The following HCN4 variants were observed in gnomAD, a reference collection of about 807,000 sequenced individuals.
HCN4 encodes potassium/sodium hyperpolarization-activated cyclic nucleotide-gated channel 4.
In HCN4, 29 loss-of-function variants were observed where a neutral mutation model predicts 76.9. The observed-to-expected ratio is 0.38, with a 90% confidence interval of 0.28 to 0.51. The LOEUF is 0.51. HCN4 is among the 20% of genes least tolerant of loss of function. The pLI is 0.90. For synonymous variants in HCN4, 772 were observed against 762.5 expected (o/e 1.01, Z -0.21); for missense variants, 1,416 against 1,715.2 (o/e 0.83, Z 3.08).
chr15:73,328,422 T>C lies in HCN4; in HGVS notation c.1590+1151A>G, dbSNP rs1567773859. On this transcript the variant is annotated intron_variant, in intron 4 of 7. Coordinates refer to ENST00000261917, the MANE Select transcript of HCN4 (RefSeq NM_005477.3). The surrounding 1 kb of genome is among the most constrained non-coding windows in gnomAD (Gnocchi z 4.0). ...CTGGGAAAACATGCTGAGGAGTTAA[T>C]CTACATCTTCAGAGCAACGTGAAGT... 6.6e-6 allele frequency among the ~76,000 whole-genome samples: 1 copy of C among 151,866 alleles called. No homozygotes were observed. Among genetic ancestry groups the C allele is most frequent in the Non-Finnish European group, 1.5e-5 (1 of 68,002 alleles).
rs140967363 is a variant in HCN4, at chr15:73,328,024, C to T, written c.1590+1549G>A. On this transcript the variant is annotated intron_variant, in intron 4 of 7. Transcript: ENST00000261917. This position sits in a 1 kb window ranked among gnomAD's most constrained non-coding sequence, Gnocchi z 4.0. ...GGGGCATAAAACAGAAAACGACATA[C>T]TGGGTCCTCCCCTCATGGAGCCGTG... 1.3e-4 allele frequency among the ~76,000 whole-genome samples: 20 copies of T among 152,260 alleles called. 1 individual carries two copies. Among genetic ancestry groups the T allele is most frequent in the African/African-American group, 4.1e-4 (17 of 41,562 alleles).
rs201204739 is a variant in HCN4 at position 73,325,250 on chromosome 15, G to C, written c.1737+48C>G. The C allele has an allele frequency of 8.1e-6, 13 of 1,614,082 alleles. No homozygotes were observed. In the East Asian group the frequency reaches 2.9e-4, roughly 36 times the overall value. On this transcript the variant is annotated intron_variant, in intron 5 of 7. Coordinates refer to ENST00000261917, the MANE Select transcript of HCN4 (RefSeq NM_005477.3). This position sits in a 1 kb window ranked among gnomAD's most constrained non-coding sequence, Gnocchi z 7.4. ...AAGGAGGTGGTGAGGGGAGCTGGCT[G>C]CCAGGAAGGCCTGGCTCCCCTCCAC...
rs1404057369 is a variant in HCN4 at position 73,368,329 on chromosome 15, C to T, written c.-59G>A. The T allele has an allele frequency of 3.2e-6, 4 of 1,250,930 alleles. No homozygotes were observed. In the African/African-American group the frequency reaches 4.7e-5, roughly 15 times the overall value. 77.5% of individuals were successfully genotyped at this position (1,250,930 alleles called of 1,614,324 possible). A position where few individuals can be genotyped will look rare whatever the true frequency, so the allele number is the denominator to read the frequency against. On this transcript the variant is annotated 5_prime_UTR_variant, in exon 1 of 8. Transcript: ENST00000261917. This position sits in a 1 kb window ranked among gnomAD's most constrained non-coding sequence, Gnocchi z 6.9. Reference sequence around the variant, plus strand: ...GCAGGAGCGCGGCGCCGCGGACGGGCTCCAGGTCCGCCCGCCGGTCAGTCC... The same window carrying T: ...GCAGGAGCGCGGCGCCGCGGACGGGTTCCAGGTCCGCCCGCCGGTCAGTCC...
intron 6 of HCN4, 83 bp downstream of exon 6, chr15:73,324,872 C>A: frequency 6.4e-7 from 1 of 1,559,724 alleles, no homozygotes; most frequent in East Asian, 2.3e-5. Flanking sequence ...GAAGGGTGCT[C>A]ACTGCCTCTG....
chr15:73,367,328 G>A lies in HCN4; in HGVS notation c.785+158C>T, dbSNP rs1290536584. On this transcript the variant is annotated intron_variant, in intron 1 of 7. Coordinates refer to ENST00000261917, the MANE Select transcript of HCN4 (RefSeq NM_005477.3). The surrounding 1 kb of genome is among the most constrained non-coding windows in gnomAD (Gnocchi z 7.5). ...AAAGTTCCCCCAGCGCGGTGCAGGA[G>A]GGGGCCTGGGGGTGTCTCGGAGCCT... Among the ~76,000 whole-genome samples the A allele has an allele frequency of 6.6e-6, 1 of 152,086 alleles. No homozygotes were observed. Among genetic ancestry groups the A allele is most frequent in the African/African-American group, 2.4e-5 (1 of 41,418 alleles).
intron 1 of HCN4, among the ~76,000 whole-genome samples, chr15:73,347,986 T>C (rs890493753): frequency 2.0e-5 from 3 of 152,168 alleles, no homozygotes; most frequent in African/African-American, 7.2e-5. Context: ...GGCAGGCAGG[T>C]GGCCTCTCAG....
intron 1 of HCN4, among the ~76,000 whole-genome samples, chr15:73,356,218 A>C (rs2043079023): frequency 2.1e-5 from 3 of 143,648 alleles, no homozygotes; most frequent in African/African-American, 2.6e-5. Context: ...ATAGGGTCTC[A>C]CTCTGTAGCC....
At chr15:73,324,282 G>GCAAGCACA in intron 6 of HCN4, 29 bp from the exon 7 acceptor site, 1 of 1,611,978 alleles carries the variant, frequency 6.2e-7, no homozygotes, top group Non-Finnish European at 8.5e-7. Flanking sequence ...TCAGGATGAG[G>GCAAGCACA]CATGCACAGC....
At position 73,328,546 on chromosome 15, in the gene HCN4, G is replaced by A. The variant is rs1314187247; in HGVS notation, c.1590+1027C>T. On this transcript the variant is annotated intron_variant, in intron 4 of 7. Transcript: ENST00000261917. This position sits in a 1 kb window ranked among gnomAD's most constrained non-coding sequence, Gnocchi z 4.0. The stretch of plus-strand genomic sequence containing the variant: ...AGTGGAAGGTGCCAGGGCAGAACCT[G>A]CTTAGCTGATAAACACAGGGGAGCT... 6.6e-6 allele frequency among the ~76,000 whole-genome samples: 1 copy of A among 152,082 alleles called. No homozygotes were observed. The highest frequency in any genetic ancestry group is 1.5e-5 in the Non-Finnish European group (1 of 68,028).
chr15:73,355,086 A>G (rs1017442423), intron 1 of HCN4, among the ~76,000 whole-genome samples: 2 of 152,226 alleles, frequency 1.3e-5, no homozygotes, highest in Non-Finnish European at 2.9e-5. Context: ...AGGGGGCAGC[A>G]TGCCCTGTTG....
At position 73,355,756 on chromosome 15, in the gene HCN4, T is replaced by TGC. The variant is rs532792346; in HGVS notation, c.785+11728_785+11729dup. Among the ~76,000 whole-genome samples, 466 of 151,660 alleles carry TGC rather than the reference T, an allele frequency of 3.1e-3. 3 individuals carry two copies. The highest frequency in any genetic ancestry group is 0.011 in the African/African-American group (436 of 41,296). Reference sequence around the variant, plus strand: ...AGAAACACACCAGTGAATATGTACATGCGCACACACACACACACACACACC... The same window carrying TGC: ...AGAAACACACCAGTGAATATGTACATGCGCGCACACACACACACACACACACC... On this transcript the variant is annotated intron_variant, in intron 1 of 7. Coordinates refer to ENST00000261917, the MANE Select transcript of HCN4 (RefSeq NM_005477.3).
At chr15:73,341,659 T>C (rs992949731) in intron 2 of HCN4, among the ~76,000 whole-genome samples, 1 of 152,160 alleles carries the variant, frequency 6.6e-6, no homozygotes, top group Admixed American at 6.5e-5. Context: ...GCCCACACTA[T>C]GTGCTGGGGG....
In HCN4 at chr15:73,320,722, G is replaced by C. The variant is rs1372313302; in HGVS notation, c.*1759C>G. 1 of 152,330 alleles carries C rather than the reference G, an allele frequency of 6.6e-6. No individual in the cohort carries two copies. Among genetic ancestry groups the C allele is most frequent in the Non-Finnish European group, 1.5e-5 (1 of 68,180 alleles). 9.4% of individuals were successfully genotyped at this position (152,330 alleles called of 1,614,324 possible). A position where few individuals can be genotyped will look rare whatever the true frequency, so the allele number is the denominator to read the frequency against. ...GGCCGTCCCTCTGACCCCTCAGCCT[G>C]GGGATCCCCTCCCAAAGCCCTGATC... On this transcript the variant is annotated 3_prime_UTR_variant, in exon 8 of 8. Coordinates refer to ENST00000261917, the MANE Select transcript of HCN4 (RefSeq NM_005477.3).
chr15:73,355,344 G>A (rs1567794036), intron 1 of HCN4, among the ~76,000 whole-genome samples: 1 of 152,228 alleles, frequency 6.6e-6, no homozygotes, highest in Non-Finnish European at 1.5e-5. Context: ...ACACGAGGAT[G>A]GAGCTAGACA....
At chr15:73,364,811 A>C (rs2043121366) in intron 1 of HCN4, among the ~76,000 whole-genome samples, 1 of 152,152 alleles carries the variant, frequency 6.6e-6, no homozygotes, top group African/African-American at 2.4e-5. Context: ...CTCAAAGCAC[A>C]GCCCACCCTT....
chr15:73,322,481 T>G lies in HCN4; in HGVS notation c.3612A>C (p.Ter1204CysextTer21). 1 of 1,587,014 alleles carries G rather than the reference T, an allele frequency of 6.3e-7. No homozygotes were observed. The highest frequency in any genetic ancestry group is 8.6e-7 in the Non-Finnish European group (1 of 1,165,832). Reference sequence around the variant, plus strand: ...AAGAAGAGGGAAGGAAGGGCCCAGCTCATAGATTGGATGGCAGTTTGGAGC... The same window carrying G: ...AAGAAGAGGGAAGGAAGGGCCCAGCGCATAGATTGGATGGCAGTTTGGAGC... Reference protein sequence around the residue: ...PVRSKLPSNL* With the variant: ...PVRSKLPSNLC The change falls in exon 8 of 8, where the codon TGA (stop) becomes TGC (cysteine). Residue 1204 changes from the stop codon to cysteine, a stop_lost. Coordinates refer to ENST00000261917, the MANE Select transcript of HCN4 (RefSeq NM_005477.3).
At chr15:73,339,851 C>T (rs2042989710) in intron 2 of HCN4, among the ~76,000 whole-genome samples, 1 of 152,152 alleles carries the variant, frequency 6.6e-6, no homozygotes, top group Non-Finnish European at 1.5e-5. Context: ...CTGGGGCCAG[C>T]TGGGAAACCC....
chr15:73,353,219 A>T (rs1337170905), intron 1 of HCN4, among the ~76,000 whole-genome samples: 1 of 152,212 alleles, frequency 6.6e-6, no homozygotes, highest in African/African-American at 2.4e-5. Flanking sequence ...CAAAACAGGC[A>T]GATGTTACCT....
At chr15:73,355,898 G>A (rs531934500) in intron 1 of HCN4, among the ~76,000 whole-genome samples, 36 of 152,238 alleles carry the variant, frequency 2.4e-4, no homozygotes, top group African/African-American at 7.5e-4. Flanking sequence ...AGACCACTGG[G>A]GAAGATGGGG....
Sources: gnomAD v4.1 joint callset for allele counts (sites outside exome capture counted in the v4.1 genomes callset) on GRCh38, gnomAD v4.1.1 for gene constraint, Gnocchi (gnomAD v3.1) non-coding constraint, MANE v1.5 for transcripts, NCBI Gene and HGNC (gene_info 2026-07-23, HGNC 2026-07-21) for gene names.